The following SMARCA2 variants were observed in gnomAD, a reference collection of about 807,000 sequenced individuals.
SMARCA2 encodes SWI/SNF related BAF chromatin remodeling complex subunit ATPase 2, also known as SWI/SNF-related matrix-associated actin-dependent regulator of chromatin subfamily A member 2.
A neutral mutation model predicts 199.8 loss-of-function variants in SMARCA2; 61 were observed. The ratio of observed to expected loss-of-function variants is 0.31; its 90% CI spans 0.25 to 0.38. The LOEUF (loss-of-function observed/expected upper bound fraction) is 0.38. Ranked by LOEUF, SMARCA2 falls within the 10% of genes least tolerant of loss-of-function variation. SMARCA2 has a pLI of 1.00. For synonymous variants in SMARCA2, 935 were observed against 732.0 expected, an observed-to-expected ratio of 1.28 and a Z score of -4.48; for missense variants, 1,344 against 2,012.2, an observed-to-expected ratio of 0.67 and a Z score of 6.35.
intron 27 of SMARCA2, among the ~76,000 whole-genome samples, chr9:2,153,827 TGAGAGA>T (rs1290189462): frequency 6.7e-6 from 1 of 149,862 alleles, no homozygotes; most frequent in Non-Finnish European, 1.5e-5. Context: ...TGTGTGTGTG[TGAGAGA>T]GAGAGATCTT....
intron 16 of SMARCA2, 84 bp from the exon 17 acceptor site, chr9:2,084,002 G>A: frequency 1.4e-6 from 1 of 709,014 alleles, no homozygotes; most frequent in Non-Finnish European, 2.5e-6. Flanking sequence ...TCACATGTCT[G>A]GGCATCATTA....
intron 1 of SMARCA2, among the ~76,000 whole-genome samples, chr9:2,021,029 A>G (rs971744861): frequency 6.6e-6 from 1 of 152,216 alleles, no homozygotes; most frequent in Non-Finnish European, 1.5e-5. Context: ...AACAATTGTA[A>G]TCTGGCCGTA....
intron 9 of SMARCA2, 113 bp from the exon 10 acceptor site, chr9:2,070,305 G>C: frequency 1.2e-6 from 1 of 830,912 alleles, no homozygotes; most frequent in Non-Finnish European, 2.1e-6. Context: ...CTTAAGCTGT[G>C]TTAGATAATA....
chr9:2,193,577 A>C lies in SMARCA2; in HGVS notation c.*838A>C, dbSNP rs1328241867. On this transcript the variant is annotated 3_prime_UTR_variant, in exon 34 of 34. Transcript: ENST00000349721. ...AATAAAATTCCAGTAATTTCGAAGA[A>C]TGTGGTGTTGGTGCTTTCCTAATAA... The C allele has an allele frequency of 3.9e-5, 6 of 152,692 alleles. No individual in the cohort carries two copies. Among genetic ancestry groups the C allele is most frequent in the African/African-American group, 1.4e-4 (6 of 41,466 alleles). 9.5% of individuals were successfully genotyped at this position (152,692 alleles called of 1,614,324 possible).
intron 15 of SMARCA2, 27 bp from the exon 16 acceptor site, chr9:2,083,320 C>A: frequency 7.0e-7 from 1 of 1,422,770 alleles, no homozygotes; most frequent in Non-Finnish European, 9.6e-7. Context: ...TGTCTTTTTT[C>A]TGTTGTTTTT....
chr9:2,030,980 A>T (rs1448703893), intron 2 of SMARCA2, among the ~76,000 whole-genome samples: 1 of 152,242 alleles, frequency 6.6e-6, no homozygotes, highest in Non-Finnish European at 1.5e-5. Context: ...ATAAACAGAT[A>T]ATCTTACCTT....
chr9:2,186,777 C>T (rs949048199), intron 32 of SMARCA2, among the ~76,000 whole-genome samples: 2 of 152,230 alleles, frequency 1.3e-5, no homozygotes, highest in Admixed American at 1.3e-4. Context: ...CCACCCGCCT[C>T]GGCCTCCCAA....
Position 2,033,005 on chromosome 9 carries a change from C to T in SMARCA2, c.279C>T (p.Ser93=), listed in dbSNP as rs758202044. 14 of 1,613,882 alleles carry T rather than the reference C, an allele frequency of 8.7e-6. No individual in the cohort carries two copies. Among genetic ancestry groups the T allele is most frequent in the Non-Finnish European group, 1.2e-5 (14 of 1,179,768 alleles). ...TTGTAGAAGACATCCATTGTGGATC[C>T]ATGAAGGGCACTGGTATGCGACCAC... ...KGIVEDIHCG[S]MKGTGMRPPH... The change falls in exon 3 of 34, where the codon TCC becomes TCT. Residue 93 remains serine, a synonymous_variant. Transcript: ENST00000349721.
At chr9:2,142,708 G>T (rs138421697) in intron 27 of SMARCA2, among the ~76,000 whole-genome samples, 1 of 152,182 alleles carries the variant, frequency 6.6e-6, no homozygotes, top group Non-Finnish European at 1.5e-5. Flanking sequence ...GGTGAGGCTG[G>T]AGTAGGGCAA....
At position 2,110,680 on chromosome 9, in the gene SMARCA2, T is replaced by G. The variant is rs1191134890; in HGVS notation, c.3456+263T>G. 6.6e-6 allele frequency among the ~76,000 whole-genome samples: 1 copy of G among 152,216 alleles called. No homozygotes were observed. Among genetic ancestry groups the G allele is most frequent in the Non-Finnish European group, 1.5e-5 (1 of 68,030 alleles). ...TAATCCCATCTCTTGGGATTGCCAT[T>G]GAACAAAGTATATTTAATGAGGGAT... On this transcript the variant is annotated intron_variant, in intron 24 of 33. Transcript: ENST00000349721. This position sits in a 1 kb window ranked among gnomAD's most constrained non-coding sequence, Gnocchi z 4.8.
intron 2 of SMARCA2, among the ~76,000 whole-genome samples, chr9:2,030,175 C>T (rs534018950): frequency 3.3e-5 from 5 of 152,104 alleles, no homozygotes; most frequent in Non-Finnish European, 5.9e-5. Context: ...TCCAGAGAAA[C>T]GGAACCAATA....
intron 7 of SMARCA2, among the ~76,000 whole-genome samples, chr9:2,057,458 G>C (rs1371067102): frequency 6.6e-6 from 1 of 152,166 alleles, no homozygotes; most frequent in Non-Finnish European, 1.5e-5. Flanking sequence ...TCCATAACAG[G>C]TGTCATGTTC....
rs3057852 is a variant in SMARCA2 at position 2,082,306 on chromosome 9, GGT to G, written c.2348+355_2348+356del. ...CCTTAAGTGGCTCACAAAGGGGAAA[GGT>G]GTGTGTGTGTGTGTGTGTGTGTGTG... On this transcript the variant is annotated intron_variant, in intron 15 of 33. Coordinates refer to ENST00000349721, the MANE Select transcript of SMARCA2 (RefSeq NM_003070.5). Among the ~76,000 whole-genome samples the G allele has an allele frequency of 0.43, 52,450 of 121,174 alleles. 11,279 individuals carry two copies. The highest frequency in any genetic ancestry group is 0.54 in the Middle Eastern group (140 of 260). The allele number at this position is 121,174 out of a possible 152,430, so 79.5% of individuals were successfully genotyped here.
chr9:2,039,406 A>T lies in SMARCA2; in HGVS notation c.356-60A>T. 1 of 1,516,732 alleles carries T rather than the reference A, an allele frequency of 6.6e-7. No individual in the cohort carries two copies. Among genetic ancestry groups the T allele is most frequent in the Non-Finnish European group, 9.0e-7 (1 of 1,113,540 alleles). The allele number at this position is 1,516,732 out of a possible 1,614,324, so 94.0% of individuals were successfully genotyped here. On this transcript the variant is annotated intron_variant, in intron 3 of 33. Coordinates refer to ENST00000349721, the MANE Select transcript of SMARCA2 (RefSeq NM_003070.5). This position sits in a 1 kb window ranked among gnomAD's most constrained non-coding sequence, Gnocchi z 4.8. ...TGGACAATTATTAGAGTATTCAGGG[A>T]TATCTCTCTTTCAGGGTTGTCAGGG... is the stretch of plus-strand genomic sequence containing the variant.
chr9:2,094,992 C>A lies in SMARCA2; in HGVS notation c.2884-1665C>A, dbSNP rs991163154. On this transcript the variant is annotated intron_variant, in intron 19 of 33. Coordinates refer to ENST00000349721, the MANE Select transcript of SMARCA2 (RefSeq NM_003070.5). Reference sequence around the variant, plus strand: ...TGTATATCAAAATCTCACAGACGTACCTTAAATATACACAATATGTATTTG... The same window carrying A: ...TGTATATCAAAATCTCACAGACGTAACTTAAATATACACAATATGTATTTG... Among the ~76,000 whole-genome samples the A allele has an allele frequency of 5.9e-5, 9 of 152,062 alleles. 1 individual carries two copies. Among genetic ancestry groups the A allele is most frequent in the East Asian group, 3.8e-4 (2 of 5,202 alleles).
chr9:2,028,926 T>G (rs893032245), intron 1 of SMARCA2, 61 bp from the exon 2 acceptor site: 7 of 1,349,428 alleles, frequency 5.2e-6, no homozygotes, highest in African/African-American at 1.5e-5. Flanking sequence ...AACAATTGTT[T>G]TATTCTGGTC....
At position 2,060,634 on chromosome 9, in the gene SMARCA2, G is replaced by A. The variant is rs191786234; in HGVS notation, c.1522-182G>A. 3.8e-3 allele frequency among the ~76,000 whole-genome samples: 578 copies of A among 152,294 alleles called. 6 individuals are homozygous for A. Among genetic ancestry groups the A allele is most frequent in the African/African-American group, 0.013 (550 of 41,558 alleles). ...AACTCCAGTGTCCTGGGATGTAGGCGTCACACTTCTGTGTGTTTGTCCCAC... is the reference window on the plus strand; with the variant it reads ...AACTCCAGTGTCCTGGGATGTAGGCATCACACTTCTGTGTGTTTGTCCCAC... On this transcript the variant is annotated intron_variant, in intron 8 of 33. Coordinates refer to ENST00000349721, the MANE Select transcript of SMARCA2 (RefSeq NM_003070.5).
chr9:2,036,739 T>C (rs1257169433), intron 3 of SMARCA2, among the ~76,000 whole-genome samples: 1 of 152,228 alleles, frequency 6.6e-6, no homozygotes, highest in Non-Finnish European at 1.5e-5. Context: ...AATTTTCTGA[T>C]CAAATTTGAG....
chr9:2,034,193 G>A (rs570658020), intron 3 of SMARCA2, among the ~76,000 whole-genome samples: 16 of 144,060 alleles, frequency 1.1e-4, no homozygotes, highest in Non-Finnish European at 2.2e-4. Context: ...GCAGTGAGCC[G>A]AGATCGCACC....
Sources: allele counts gnomAD v4.1 joint callset (sites outside exome capture counted in the v4.1 genomes callset), GRCh38; gene constraint gnomAD v4.1.1; non-coding constraint Gnocchi (gnomAD v3.1); transcripts MANE v1.5; gene names NCBI Gene and HGNC (gene_info 2026-07-23, HGNC 2026-07-21).